The following CHURC1 variants were observed in gnomAD, a reference collection of about 807,000 sequenced individuals.
CHURC1 encodes protein Churchill.
Under a neutral mutation model 15.4 loss-of-function variants are expected in CHURC1, and 12 were observed. The observed-to-expected ratio is 0.78, with a 90% confidence interval of 0.50 to 1.27. The LOEUF (loss-of-function observed/expected upper bound fraction) is 1.27. Among genes scored for constraint, CHURC1 ranks in the 50% most tolerant of loss-of-function variants. The pLI is 0.00. For missense variants in CHURC1, 132 were observed against 137.8 expected (o/e 0.96, Z 0.21); for synonymous variants, 42 against 47.5 (o/e 0.88, Z 0.48).
At chr14:64,916,283 G>A (rs185214912) in intron 1 of CHURC1, among the ~76,000 whole-genome samples, 2 of 152,332 alleles carry the variant, frequency 1.3e-5, no homozygotes, top group Admixed American at 1.3e-4. Context: ...AGTCGAGATA[G>A]TGGTTACTCC....
At chr14:64,927,079 C>T (rs1451952959) in intron 3 of CHURC1, among the ~76,000 whole-genome samples, 1 of 152,182 alleles carries the variant, frequency 6.6e-6, no homozygotes, top group Non-Finnish European at 1.5e-5. Context: ...CAATTCCCTT[C>T]ACATTTGGAT....
intron 3 of CHURC1, 33 bp downstream of exon 3, chr14:64,926,113 G>T: frequency 7.0e-7 from 1 of 1,420,854 alleles, no homozygotes. Context: ...ATATAAATAT[G>T]GGGAGGTTAG....
At position 64,932,566 on chromosome 14, in the gene CHURC1, T is replaced by G. The variant is rs1885138752; in HGVS notation, c.*336T>G. ...CAGGACTCCTTAGAAAATGAACTGA[T>G]TCTAGAACTGGGATATGAACTGTAC... On this transcript the variant is annotated 3_prime_UTR_variant, in exon 4 of 4. Transcript: ENST00000549115. 1 of 630,390 alleles carries G rather than the reference T, an allele frequency of 1.6e-6. No homozygotes were observed. The highest frequency in any genetic ancestry group is 2.0e-6 in the Non-Finnish European group (1 of 491,678). 39.0% of individuals were successfully genotyped at this position (630,390 alleles called of 1,614,324 possible). A position where few individuals can be genotyped will look rare whatever the true frequency, so the allele number is the denominator to read the frequency against.
intron 1 of CHURC1, among the ~76,000 whole-genome samples, chr14:64,923,273 C>CAAAAAAAAA (rs563823780): frequency 3.9e-5 from 4 of 103,330 alleles, no homozygotes; most frequent in African/African-American, 1.5e-4. Flanking sequence ...TCTCAATTAC[C>CAAAAAAAAA]AAAAAAAAAA....
At chr14:64,922,955 C>T (rs1884420425) in intron 1 of CHURC1, among the ~76,000 whole-genome samples, 1 of 152,194 alleles carries the variant, frequency 6.6e-6, no homozygotes, top group Admixed American at 6.5e-5. Flanking sequence ...ACATGTTTGG[C>T]TCATCTTTGA....
At chr14:64,921,610 G>A (rs904095898) in intron 1 of CHURC1, among the ~76,000 whole-genome samples, 2 of 152,152 alleles carry the variant, frequency 1.3e-5, no homozygotes, top group African/African-American at 4.8e-5. Context: ...ACTACAATGA[G>A]ATACCACTTT....
At position 64,932,748 on chromosome 14, in the gene CHURC1, G is replaced by A. The variant is rs1885150546; in HGVS notation, c.*518G>A. On this transcript the variant is annotated 3_prime_UTR_variant, in exon 4 of 4. Coordinates refer to ENST00000549115, the MANE Select transcript of CHURC1 (RefSeq NM_001386928.1). The stretch of plus-strand genomic sequence containing the variant: ...TTGAGTAACAAAATAAAGTAGTATT[G>A]GGTTATAACCCAAACTATATAATAA... 1.3e-5 allele frequency: 2 copies of A among 152,336 alleles called. No individual in the cohort carries two copies. Among genetic ancestry groups the A allele is most frequent in the South Asian group, 2.1e-4 (1 of 4,820 alleles). 9.4% of individuals were successfully genotyped at this position (152,336 alleles called of 1,614,324 possible).
intron 1 of CHURC1, among the ~76,000 whole-genome samples, chr14:64,916,776 C>T (rs1428574232): frequency 6.6e-6 from 1 of 152,034 alleles, no homozygotes; most frequent in African/African-American, 2.4e-5. Flanking sequence ...GACAGGGTTT[C>T]GCCTTGTTAG....
At chr14:64,927,639 C>T (rs1027019974) in intron 3 of CHURC1, among the ~76,000 whole-genome samples, 7 of 151,492 alleles carry the variant, frequency 4.6e-5, no homozygotes, top group African/African-American at 1.5e-4. Flanking sequence ...CTTGTAGTCA[C>T]GATGCAAGAA....
chr14:64,931,586 C>A (rs1210459440), intron 3 of CHURC1, among the ~76,000 whole-genome samples: 1 of 151,602 alleles, frequency 6.6e-6, no homozygotes, highest in Non-Finnish European at 1.5e-5. Context: ...AAAACAAAAT[C>A]TCCTCTATTA....
chr14:64,931,618 C>T (rs752633956), intron 3 of CHURC1, among the ~76,000 whole-genome samples: 2 of 152,046 alleles, frequency 1.3e-5, no homozygotes, highest in African/African-American at 4.8e-5. Context: ...ATTTATTAAG[C>T]CTGGGAAACA....
chr14:64,915,015 A>G (rs755237005), intron 1 of CHURC1, among the ~76,000 whole-genome samples: 3 of 152,198 alleles, frequency 2.0e-5, no homozygotes, highest in African/African-American at 4.8e-5. Context: ...CCAGGACTAG[A>G]ATTTAGGTTT....
rs1325748906 is a variant in CHURC1 at position 64,914,531 on chromosome 14, C to A, written c.36C>A (p.Asn12Lys). ...CGDCVEKEYP[N>K]RGNTCLENGS... is the part of the protein sequence containing the mutation. ...ACTGTGTGGAGAAGGAATATCCCAA[C>A]CGGGTGAGCGACTGGGCGCTCCCTT... Residue 12 changes from asparagine (N) to lysine (K), a missense_variant, in exon 1 of 4, where the codon AAC becomes AAA. By Grantham distance (94) the Asn-to-Lys change is moderately conservative. Transcript: ENST00000549115. The A allele has an allele frequency of 1.9e-6, 3 of 1,614,252 alleles. No homozygotes were observed. The highest frequency in any genetic ancestry group is 2.5e-6 in the Non-Finnish European group (3 of 1,180,030).
rs201632613 is a variant in CHURC1 at position 64,920,528 on chromosome 14, TAAAG to T, written c.40-3458_40-3455del. On this transcript the variant is annotated intron_variant, in intron 1 of 3. Transcript: ENST00000549115. ...GCTGCTTTCAAATGACCAGGGCTCT[TAAAG>T]AAAGTCCCATCCGCTTCTTATATAC... 1.0e-3 allele frequency among the ~76,000 whole-genome samples: 156 copies of T among 152,342 alleles called. 2 individuals are homozygous for T. Among genetic ancestry groups the T allele is most frequent in the Admixed American group, 7.9e-3 (121 of 15,300 alleles).
chr14:64,927,833 G>C (rs1016977202), intron 3 of CHURC1, among the ~76,000 whole-genome samples: 1 of 151,382 alleles, frequency 6.6e-6, no homozygotes, highest in African/African-American at 2.4e-5. Flanking sequence ...CTACTCAGGA[G>C]ACTGAGGCAG....
chr14:64,920,790 AT>A (rs1219871069), intron 1 of CHURC1, among the ~76,000 whole-genome samples: 1 of 152,114 alleles, frequency 6.6e-6, no homozygotes, highest in Admixed American at 6.6e-5. Flanking sequence ...GTTTTCCTTA[AT>A]TTTTTGGAGT....
Position 64,933,727 on chromosome 14 carries a change from C to T in CHURC1, c.*1497C>T, listed in dbSNP as rs188318717. Reference sequence around the variant, plus strand: ...TAGAAACAAAAGTGTTTCTTCATATCTAGGAGATTTGGAAATTCTGAACTA... The same window carrying T: ...TAGAAACAAAAGTGTTTCTTCATATTTAGGAGATTTGGAAATTCTGAACTA... On this transcript the variant is annotated 3_prime_UTR_variant, in exon 4 of 4. Coordinates refer to ENST00000549115, the MANE Select transcript of CHURC1 (RefSeq NM_001386928.1). 14,857 of 985,338 alleles carry T rather than the reference C, an allele frequency of 0.015. 134 individuals are homozygous for T. Among genetic ancestry groups the T allele is most frequent in the Non-Finnish European group, 0.016 (13,610 of 829,916 alleles). The allele number at this position is 985,338 out of a possible 1,614,324, so 61.0% of individuals were successfully genotyped here.
chr14:64,934,903 T>C lies in CHURC1; in HGVS notation c.*2673T>C, dbSNP rs1885256299. On this transcript the variant is annotated 3_prime_UTR_variant, in exon 4 of 4. Transcript: ENST00000549115. ...CATAAGATCCTCTCTCTATATTTCA[T>C]TATTGGTGAACCCACATTGTGCTGT... The C allele has an allele frequency of 2.0e-6, 2 of 984,276 alleles. No homozygotes were observed. Among genetic ancestry groups the C allele is most frequent in the African/African-American group, 1.7e-5 (1 of 57,232 alleles). 61.0% of individuals were successfully genotyped at this position (984,276 alleles called of 1,614,324 possible).
At position 64,934,307 on chromosome 14, in the gene CHURC1, C is replaced by CTT; in HGVS notation, c.*2077_*2078insTT. The stretch of plus-strand genomic sequence containing the variant: ...AGGTTGTGATGAGCCAAGGTCATGC[C>CTT]ACTGCACTCCAGCCTGGGAGACAGA... On this transcript the variant is annotated 3_prime_UTR_variant, in exon 4 of 4. Transcript: ENST00000549115. 1 of 514,328 alleles carries CTT rather than the reference C, an allele frequency of 1.9e-6. No individual in the cohort carries two copies. The highest frequency in any genetic ancestry group is 2.5e-6 in the Non-Finnish European group (1 of 399,560). 31.9% of individuals were successfully genotyped at this position (514,328 alleles called of 1,614,324 possible).
Sources: gnomAD v4.1 joint callset for allele counts (sites outside exome capture counted in the v4.1 genomes callset) on GRCh38, gnomAD v4.1.1 for gene constraint, MANE v1.5 for transcripts, NCBI Gene and HGNC (gene_info 2026-07-23, HGNC 2026-07-21) for gene names.